Variants in ABCA13 observed in about 807,000 individuals in gnomAD.
ABCA13 encodes the protein ATP binding cassette subfamily A member 13.
In ABCA13, 476 loss-of-function variants were observed where a neutral mutation model predicts 478.7. That is an observed-to-expected ratio of 0.99 (90% CI 0.92 to 1.07). The LOEUF is 1.07. Among genes scored for constraint, ABCA13 ranks in the 50% least tolerant of loss-of-function variants. The pLI, the probability that ABCA13 is intolerant of heterozygous loss-of-function variation, is 0.00. For synonymous variants in ABCA13, 2,252 were observed against 2,158.9 expected, an observed-to-expected ratio of 1.04 and a Z score of -1.20; for missense variants, 6,060 against 5,910.6, an observed-to-expected ratio of 1.03 and a Z score of -0.83.
In ABCA13 at chr7:48,374,412, G is replaced by A; in HGVS notation, c.11199G>A (p.Glu3733=). The change falls in exon 34 of 62, where the codon GAG becomes GAA. Residue 3733 remains glutamate, a synonymous_variant. Coordinates refer to ENST00000435803, the MANE Select transcript of ABCA13 (RefSeq NM_152701.5). ...VFFITFLEGQ[E]TGIQWNNMYQ... ...TTATTACATTCCTGGAAGGACAAGA[G>A]ACAGGTAAGAGCATGCATGTGTAAA... The A allele has an allele frequency of 6.2e-7, 1 of 1,608,186 alleles. No individual in the cohort carries two copies. Among genetic ancestry groups the A allele is most frequent in the Non-Finnish European group, 8.5e-7 (1 of 1,177,392 alleles).
intron 5 of ABCA13, among the ~76,000 whole-genome samples, chr7:48,221,523 G>T (rs1413824492): frequency 6.6e-6 from 1 of 152,264 alleles, no homozygotes; most frequent in Admixed American, 6.5e-5. Flanking sequence ...TCTGTGAAAA[G>T]CAGAGGTGAA....
chr7:48,329,837 C>G (rs1024997865), intron 27 of ABCA13, among the ~76,000 whole-genome samples: 4 of 152,026 alleles, frequency 2.6e-5, no homozygotes, highest in Non-Finnish European at 5.9e-5. Context: ...ATTCATCCAT[C>G]TATCCATGCA....
chr7:48,630,686 T>G (rs768010838), intron 59 of ABCA13, among the ~76,000 whole-genome samples: 44 of 152,206 alleles, frequency 2.9e-4, no homozygotes, highest in Admixed American at 9.2e-4. Flanking sequence ...ATGGGATTAC[T>G]AGGTTGAATG....
At chr7:48,634,405 T>A (rs1346045650) in intron 59 of ABCA13, among the ~76,000 whole-genome samples, 1 of 152,218 alleles carries the variant, frequency 6.6e-6, no homozygotes, top group Non-Finnish European at 1.5e-5. Flanking sequence ...GGTTTACCAG[T>A]AAAACCATCA....
intron 1 of ABCA13, among the ~76,000 whole-genome samples, chr7:48,171,859 T>G (rs1373098963): frequency 6.6e-6 from 1 of 152,236 alleles, no homozygotes; most frequent in Non-Finnish European, 1.5e-5. Flanking sequence ...AAGCATTCGT[T>G]GTAAAAACTG....
intron 23 of ABCA13, among the ~76,000 whole-genome samples, chr7:48,306,432 C>T (rs187098450): frequency 1.3e-5 from 2 of 152,230 alleles, no homozygotes; most frequent in East Asian, 1.9e-4. Flanking sequence ...GGGTGATTCC[C>T]CTGAATTGGG....
rs763546135 is a variant in ABCA13, at chr7:48,372,204, T to C, written c.10840T>C (p.Phe3614Leu). 6.2e-7 allele frequency: 1 copy of C among 1,613,814 alleles called. No individual in the cohort carries two copies. The highest frequency in any genetic ancestry group is 8.5e-7 in the Non-Finnish European group (1 of 1,179,768). The change falls in exon 33 of 62, where the codon TTC becomes CTC. Residue 3614 changes from phenylalanine (F) to leucine (L), a missense_variant. Physicochemically the swap from Phe to Leu is conservative, Grantham distance 22. Transcript: ENST00000435803. ...GATGGGAGTGCATCCAGTGATCCAT[T>C]TCCTGGCCTGGTTCCTGGAGAACAT... is the stretch of plus-strand genomic sequence containing the variant. ...RMMGVHPVIH[F>L]LAWFLENMAV...
chr7:48,528,359 TTCA>T lies in ABCA13; in HGVS notation c.14354+19_14354+21del, dbSNP rs1364797705. On this transcript the variant is annotated intron_variant, in intron 55 of 61. Coordinates refer to ENST00000435803, the MANE Select transcript of ABCA13 (RefSeq NM_152701.5). ...GACTCCCATGGGGTAAGATACAGAT[TTCA>T]TCATTTTTGTTGCTTAAAGAGATAA... 2 of 1,506,168 alleles carry T rather than the reference TTCA, an allele frequency of 1.3e-6. No homozygotes were observed. Among genetic ancestry groups the T allele is most frequent in the Non-Finnish European group, 1.8e-6 (2 of 1,119,954 alleles). The allele number at this position is 1,506,168 out of a possible 1,614,324, so 93.3% of individuals were successfully genotyped here. A position where few individuals can be genotyped will look rare whatever the true frequency, so the allele number is the denominator to read the frequency against.
intron 58 of ABCA13, among the ~76,000 whole-genome samples, chr7:48,610,885 T>C (rs76000348): frequency 0.1 from 15,448 of 152,188 alleles, 1,300 homozygotes; most frequent in African/African-American, 0.23. Flanking sequence ...GCCCTGGGCC[T>C]AGCCCACAAA....
intron 20 of ABCA13, among the ~76,000 whole-genome samples, chr7:48,294,450 T>TG (rs1799073677): frequency 3.6e-5 from 5 of 139,314 alleles, no homozygotes; most frequent in African/African-American, 1.5e-4. Flanking sequence ...TTGTTTTGTT[T>TG]TTTTTTTGAG....
chr7:48,281,357 G>T lies in ABCA13; in HGVS notation c.8741G>T (p.Cys2914Phe). 1.9e-6 allele frequency: 3 copies of T among 1,605,212 alleles called. No homozygotes were observed. Among genetic ancestry groups the T allele is most frequent in the Non-Finnish European group, 2.6e-6 (3 of 1,175,730 alleles). Reference sequence around the variant, plus strand: ...TTTTTGCTAAGTGTTGTTGAGATTTGTGAAGTTTTCCAGCAGACTGTGAAG... The same window carrying T: ...TTTTTGCTAAGTGTTGTTGAGATTTTTGAAGTTTTCCAGCAGACTGTGAAG... ...PLTDQSVVEI[C>F]EVFQQTVKPS... The change falls in exon 19 of 62, where the codon TGT (cysteine) becomes TTT (phenylalanine). Residue 2914 changes from cysteine (C) to phenylalanine (F), a missense_variant. By Grantham distance (205) the Cys-to-Phe change is radical (BLOSUM62 -2). Around this residue, in one of 3 missense-constraint regions of ABCA13, gnomAD observed 4,423 missense variants for 4,309.1 expected, o/e 1.03. Coordinates refer to ENST00000435803, the MANE Select transcript of ABCA13 (RefSeq NM_152701.5).
intron 31 of ABCA13, among the ~76,000 whole-genome samples, chr7:48,354,676 TC>T (rs1380119075): frequency 6.6e-6 from 1 of 152,092 alleles, no homozygotes; most frequent in Non-Finnish European, 1.5e-5. Context: ...TTGCTTTATT[TC>T]TTTGAGAAAG....
chr7:48,422,055 CAAAAAAAAAAAAA>C (rs4022355), intron 41 of ABCA13, among the ~76,000 whole-genome samples: 21 of 80,578 alleles, frequency 2.6e-4, no homozygotes, highest in Non-Finnish European at 3.8e-4. Flanking sequence ...GTCTTTCTTA[CAAAAAAAAAAAAA>C]AAAAAAAAAA....
In ABCA13 at chr7:48,594,765, T is replaced by C; in HGVS notation, c.14696T>C (p.Ile4899Thr). The change falls in exon 58 of 62, where the codon ATA becomes ACA. Residue 4899 changes from isoleucine (I) to threonine (T), a missense_variant. Coordinates refer to ENST00000435803, the MANE Select transcript of ABCA13 (RefSeq NM_152701.5). ...PCSKRYLWQT[I>T]MKEVREGCAA... ...TCTAAGCGGTACCTGTGGCAAACAA[T>C]AATGAAGGAGGTTCGGGAAGGCTGT... 1 of 1,613,952 alleles carries C rather than the reference T, an allele frequency of 6.2e-7. No individual in the cohort carries two copies. Among genetic ancestry groups the C allele is most frequent in the Non-Finnish European group, 8.5e-7 (1 of 1,179,854 alleles).
At chr7:48,359,174 G>T (rs2129000372) in intron 31 of ABCA13, among the ~76,000 whole-genome samples, 1 of 152,022 alleles carries the variant, frequency 6.6e-6, no homozygotes. Flanking sequence ...CTTGAGACTT[G>T]TGAGGGGCAA....
chr7:48,338,883 T>A (rs1196080964), intron 29 of ABCA13, among the ~76,000 whole-genome samples: 1 of 152,240 alleles, frequency 6.6e-6, no homozygotes, highest in African/African-American at 2.4e-5. Flanking sequence ...TTGATGTATC[T>A]GTGAATTCAT....
chr7:48,595,676 A>G (rs995446326), intron 58 of ABCA13, among the ~76,000 whole-genome samples: 3 of 152,208 alleles, frequency 2.0e-5, no homozygotes, highest in African/African-American at 7.2e-5. Flanking sequence ...CTATTGGACT[A>G]ATGGATGCCT....
intron 30 of ABCA13, 109 bp from the exon 31 acceptor site, chr7:48,352,072 G>C (rs561423045): frequency 3.7e-6 from 4 of 1,077,298 alleles, no homozygotes; most frequent in Middle Eastern, 2.1e-4. Context: ...GGAGTGGAGG[G>C]CTGTGAGTCT....
At chr7:48,206,787 A>AGTGT (rs59553139) in intron 3 of ABCA13, among the ~76,000 whole-genome samples, 17,033 of 151,444 alleles carry the variant, frequency 0.11, 1,085 homozygotes, top group East Asian at 0.22. Flanking sequence ...CATTTGTGTG[A>AGTGT]GTGTGTGTGT....
Sources: gnomAD v4.1 joint callset for allele counts (sites outside exome capture counted in the v4.1 genomes callset) on GRCh38, gnomAD v4.1.1 for gene constraint, gnomAD v4.1.1 regional missense constraint, MANE v1.5 for transcripts, NCBI Gene and HGNC (gene_info 2026-07-23, HGNC 2026-07-21) for gene names.